The following PRR16 variants were observed in gnomAD, a reference collection of about 807,000 sequenced individuals.
PRR16 encodes the protein protein Largen.
In PRR16, 6 loss-of-function variants were observed where a neutral mutation model predicts 18.2. The observed-to-expected ratio is 0.33, with a 90% CI of 0.18 to 0.65. The LOEUF (loss-of-function observed/expected upper bound fraction) is 0.65. Ranked by LOEUF, PRR16 falls within the 30% of genes least tolerant of loss-of-function variation. The probability of loss-of-function intolerance (pLI) is 0.74; values close to 1 mark genes in which losing one functional copy is unlikely to be tolerated. For missense variants in PRR16, 412 were observed against 376.6 expected (o/e 1.09, Z -0.78); for synonymous variants, 151 against 147.8 (o/e 1.02, Z -0.16).
chr5:120,526,707 G>C (rs1412277210), intron 1 of PRR16, among the ~76,000 whole-genome samples: 4 of 152,098 alleles, frequency 2.6e-5, no homozygotes, highest in Admixed American at 6.5e-5. Context: ...CCTGATCTCT[G>C]AAAAATCATA....
At chr5:120,572,481 C>T (rs1021644355) in intron 1 of PRR16, among the ~76,000 whole-genome samples, 6 of 152,128 alleles carry the variant, frequency 3.9e-5, no homozygotes, top group African/African-American at 1.2e-4. Flanking sequence ...GAAAATCAGA[C>T]ATTTCATTTT....
chr5:120,607,982 A>G lies in PRR16; in HGVS notation c.160-77972A>G, dbSNP rs574040226. On this transcript the variant is annotated intron_variant, in intron 1 of 1. Coordinates refer to ENST00000407149, the MANE Select transcript of PRR16 (RefSeq NM_001300783.2). Reference sequence around the variant, plus strand: ...AATCACGACTTTCTCCAATTTATCCATCCAGTAGATATCAAATCTAGGAGT... The same window carrying G: ...AATCACGACTTTCTCCAATTTATCCGTCCAGTAGATATCAAATCTAGGAGT... Among the ~76,000 whole-genome samples, 36 of 152,238 alleles carry G rather than the reference A, an allele frequency of 2.4e-4. 1 individual carries two copies. The South Asian group carries it at 7.1e-3, about 30-fold the overall frequency.
chr5:120,672,540 A>ATGTGTG (rs5870916), intron 1 of PRR16, among the ~76,000 whole-genome samples: 4,604 of 147,348 alleles, frequency 0.031, 115 homozygotes, highest in Admixed American at 0.08. Context: ...ATAGATATAT[A>ATGTGTG]TGTGTGTGTG....
At chr5:120,671,019 C>T (rs765780061) in intron 1 of PRR16, among the ~76,000 whole-genome samples, 3 of 152,070 alleles carry the variant, frequency 2.0e-5, no homozygotes, top group Non-Finnish European at 2.9e-5. Context: ...CATTCTCAAA[C>T]CTCTTTACCT....
At chr5:120,618,741 TTTG>T (rs904617734) in intron 1 of PRR16, among the ~76,000 whole-genome samples, 3 of 152,000 alleles carry the variant, frequency 2.0e-5, no homozygotes, top group African/African-American at 7.2e-5. Context: ...TCTTATTTTT[TTTG>T]TTTCCTTTCC....
intron 1 of PRR16, among the ~76,000 whole-genome samples, chr5:120,477,942 G>C (rs190338378): frequency 6.6e-6 from 1 of 152,290 alleles, no homozygotes; most frequent in East Asian, 1.9e-4. Flanking sequence ...TCCACATGTT[G>C]CTGAATGCTG....
chr5:120,765,196 A>G, the PRR16 span, among the ~76,000 whole-genome samples: 1 of 152,114 alleles, frequency 6.6e-6, no homozygotes, highest in Non-Finnish European at 1.5e-5. Context: ...GAACAATTGC[A>G]TGACCAGAAA....
chr5:120,483,659 A>T (rs932244902), intron 1 of PRR16, among the ~76,000 whole-genome samples: 23 of 152,230 alleles, frequency 1.5e-4, no homozygotes, highest in African/African-American at 5.5e-4. Flanking sequence ...GAAGAAACTA[A>T]TTTTTAATGC....
At chr5:120,737,013 T>C in the PRR16 span, among the ~76,000 whole-genome samples, 1 of 152,126 alleles carries the variant, frequency 6.6e-6, no homozygotes, top group Non-Finnish European at 1.5e-5. Context: ...CTTTAGAGTG[T>C]TCTACACAGA....
At chr5:120,494,332 G>C (rs1715176243) in intron 1 of PRR16, among the ~76,000 whole-genome samples, 1 of 151,880 alleles carries the variant, frequency 6.6e-6, no homozygotes, top group Non-Finnish European at 1.5e-5. Context: ...GCGTCTCTGG[G>C]TCTGTTCATG....
intron 1 of PRR16, among the ~76,000 whole-genome samples, chr5:120,656,986 T>C (rs946522853): frequency 4.6e-5 from 7 of 152,010 alleles, no homozygotes; most frequent in Non-Finnish European, 8.8e-5. Context: ...ATGTCTGCAT[T>C]TAACTTTATA....
At chr5:120,759,172 T>C in the PRR16 span, among the ~76,000 whole-genome samples, 2 of 151,972 alleles carry the variant, frequency 1.3e-5, no homozygotes, top group African/African-American at 4.8e-5. Flanking sequence ...GAGACAGGGT[T>C]TCACCGTGTT....
chr5:120,545,228 C>T (rs772844616), intron 1 of PRR16, among the ~76,000 whole-genome samples: 13 of 152,058 alleles, frequency 8.5e-5, no homozygotes, highest in Non-Finnish European at 1.9e-4. Context: ...ATCCTTGTCT[C>T]TTCCAAATGT....
At chr5:120,676,093 T>C (rs908426896) in intron 1 of PRR16, among the ~76,000 whole-genome samples, 1 of 152,200 alleles carries the variant, frequency 6.6e-6, no homozygotes, top group Non-Finnish European at 1.5e-5. Flanking sequence ...TGATTAGATA[T>C]GTGCCTCTGT....
At chr5:120,591,940 G>GT (rs1214351639) in intron 1 of PRR16, among the ~76,000 whole-genome samples, 2 of 152,096 alleles carry the variant, frequency 1.3e-5, no homozygotes, top group African/African-American at 2.4e-5. Flanking sequence ...AAACAGTTTT[G>GT]TAAGAGTAGC....
At chr5:120,543,481 T>C (rs764884785) in intron 1 of PRR16, among the ~76,000 whole-genome samples, 1 of 152,208 alleles carries the variant, frequency 6.6e-6, no homozygotes, top group Non-Finnish European at 1.5e-5. Flanking sequence ...TGTAACTGGA[T>C]TGTTCATACT....
At position 120,503,641 on chromosome 5, in the gene PRR16, AT is replaced by A. The variant is rs902310417; in HGVS notation, c.159+39006del. Among the ~76,000 whole-genome samples the A allele has an allele frequency of 1.1e-3, 167 of 150,298 alleles. 1 individual carries two copies. The highest frequency in any genetic ancestry group is 3.2e-3 in the African/African-American group (130 of 41,040). On this transcript the variant is annotated intron_variant, in intron 1 of 1. Transcript: ENST00000407149. ...AATAATCCAGCTGTTGGAGGCAGTG[AT>A]TTTTTTTTTATTATACTTTAAGTTT...
chr5:120,638,421 C>A (rs1755313504), intron 1 of PRR16, among the ~76,000 whole-genome samples: 1 of 152,044 alleles, frequency 6.6e-6, no homozygotes, highest in Non-Finnish European at 1.5e-5. Context: ...ATTCATGACA[C>A]ATAGAGGCTA....
Position 120,622,421 on chromosome 5 carries a change from A to G in PRR16, c.160-63533A>G, listed in dbSNP as rs138759683. 5.3e-3 allele frequency among the ~76,000 whole-genome samples: 808 copies of G among 152,130 alleles called. 11 individuals are homozygous for G. The highest frequency in any genetic ancestry group is 0.018 in the African/African-American group (739 of 41,556). On this transcript the variant is annotated intron_variant, in intron 1 of 1. Coordinates refer to ENST00000407149, the MANE Select transcript of PRR16 (RefSeq NM_001300783.2). ...TATTGTCTTCTGAGAGCAAAGCATG[A>G]CAAGTGTTTATTTTTCACAAGTTGG...
Sources: allele counts gnomAD v4.1 joint callset (sites outside exome capture counted in the v4.1 genomes callset), GRCh38; gene constraint gnomAD v4.1.1; transcripts MANE v1.5; gene names NCBI Gene and HGNC (gene_info 2026-07-23, HGNC 2026-07-21).